The following VWC2 variants were observed in gnomAD, a reference collection of about 807,000 sequenced individuals.
VWC2 encodes the protein brorin.
In VWC2, 14 loss-of-function variants were observed where a neutral mutation model predicts 29.8. The ratio of observed to expected loss-of-function variants is 0.47; its 90% CI spans 0.31 to 0.74. VWC2 has a LOEUF of 0.74. Ranked by LOEUF, VWC2 falls within the 30% of genes least tolerant of loss-of-function variation. VWC2 has a pLI of 0.05. For missense variants in VWC2, 457 were observed against 459.8 expected (o/e 0.99, Z 0.05); for synonymous variants, 213 against 199.0 (o/e 1.07, Z -0.59).
chr7:49,806,407 C>T (rs144640501), intron 3 of VWC2, among the ~76,000 whole-genome samples: 3 of 152,138 alleles, frequency 2.0e-5, no homozygotes, highest in East Asian at 1.9e-4. Context: ...AGGGAGGATA[C>T]GACATATGCC....
At chr7:49,786,931 G>A (rs1788314204) in intron 2 of VWC2, among the ~76,000 whole-genome samples, 1 of 152,160 alleles carries the variant, frequency 6.6e-6, no homozygotes, top group Non-Finnish European at 1.5e-5. Flanking sequence ...TAGACTGTCT[G>A]TTTACTCTGT....
At chr7:49,777,332 T>A (rs1031715171) in intron 2 of VWC2, among the ~76,000 whole-genome samples, 5 of 152,228 alleles carry the variant, frequency 3.3e-5, no homozygotes, top group Admixed American at 1.3e-4. Flanking sequence ...ATGTAATTAC[T>A]GACTTGTGGC....
chr7:49,822,067 G>C (rs1789273900), intron 3 of VWC2, among the ~76,000 whole-genome samples: 1 of 151,958 alleles, frequency 6.6e-6, no homozygotes, highest in Admixed American at 6.6e-5. Flanking sequence ...GTTGAACTTT[G>C]GAAGACCTAC....
chr7:49,890,923 T>TAA (rs76976636), intron 3 of VWC2, among the ~76,000 whole-genome samples: 2 of 150,138 alleles, frequency 1.3e-5, no homozygotes, highest in East Asian at 1.9e-4. Flanking sequence ...TAAACAGGCA[T>TAA]AAAAAAAAGG....
rs1000043554 is a variant in VWC2 at position 49,776,149 on chromosome 7, G to C, written c.696+18G>C. The C allele has an allele frequency of 6.0e-6, 9 of 1,491,860 alleles. No homozygotes were observed. The highest frequency in any genetic ancestry group is 7.1e-6 in the Non-Finnish European group (8 of 1,119,620). The allele number at this position is 1,491,860 out of a possible 1,614,324, so 92.4% of individuals were successfully genotyped here. ...AGTTCGTGGTAAGATGCGAACGCCC[G>C]CCGGGCGACTTTGCACCTTCCAGGA... On this transcript the variant is annotated intron_variant, in intron 2 of 3. Transcript: ENST00000340652.
intron 3 of VWC2, among the ~76,000 whole-genome samples, chr7:49,883,268 A>C (rs1409354412): frequency 6.6e-6 from 1 of 152,100 alleles, no homozygotes; most frequent in Non-Finnish European, 1.5e-5. Flanking sequence ...CAGGGGCCAG[A>C]ATAGGCGAAT....
chr7:49,873,475 G>T (rs1339008340), intron 3 of VWC2, among the ~76,000 whole-genome samples: 14 of 152,160 alleles, frequency 9.2e-5, no homozygotes, highest in Non-Finnish European at 1.6e-4. Flanking sequence ...CACCTAGGGG[G>T]TTAACATTTC....
At chr7:49,886,589 T>A (rs1053658246) in intron 3 of VWC2, among the ~76,000 whole-genome samples, 3 of 152,224 alleles carry the variant, frequency 2.0e-5, no homozygotes, top group Admixed American at 6.5e-5. Flanking sequence ...CACATTATTA[T>A]GTAGTGTAGT....
intron 3 of VWC2, among the ~76,000 whole-genome samples, chr7:49,807,939 A>G (rs1288852770): frequency 6.6e-6 from 1 of 152,140 alleles, no homozygotes; most frequent in Non-Finnish European, 1.5e-5. Flanking sequence ...GAAAAGTATA[A>G]GGAGAGATTC....
At chr7:49,807,103 C>T (rs1232860320) in intron 3 of VWC2, among the ~76,000 whole-genome samples, 1 of 151,996 alleles carries the variant, frequency 6.6e-6, no homozygotes, top group Non-Finnish European at 1.5e-5. Flanking sequence ...TGAAAAGTCT[C>T]CATACTTAAA....
chr7:49,823,856 G>A (rs965909970), intron 3 of VWC2, among the ~76,000 whole-genome samples: 2 of 152,136 alleles, frequency 1.3e-5, no homozygotes, highest in African/African-American at 4.8e-5. Context: ...CCAGTGATGA[G>A]CATCTTTTCA....
intron 3 of VWC2, among the ~76,000 whole-genome samples, chr7:49,831,172 G>A (rs989863642): frequency 5.9e-5 from 9 of 152,248 alleles, no homozygotes; most frequent in Admixed American, 5.2e-4. Context: ...AGTTGAGGGC[G>A]CCCATCTCCA....
At chr7:49,900,000 A>T (rs1433856717) in intron 3 of VWC2, among the ~76,000 whole-genome samples, 1 of 151,914 alleles carries the variant, frequency 6.6e-6, no homozygotes, top group East Asian at 1.9e-4. Flanking sequence ...ATTAAATTAG[A>T]TATCAGTAAT....
chr7:49,796,979 G>T (rs1197048346), intron 2 of VWC2, among the ~76,000 whole-genome samples: 1 of 152,060 alleles, frequency 6.6e-6, no homozygotes, highest in African/African-American at 2.4e-5. Context: ...GAAGTGTTTT[G>T]TGTGTAAACT....
chr7:49,791,492 C>T (rs919391259), intron 2 of VWC2, among the ~76,000 whole-genome samples: 4 of 152,198 alleles, frequency 2.6e-5, no homozygotes, highest in African/African-American at 9.6e-5. Context: ...CCATGGCTCC[C>T]AATATTTGCT....
chr7:49,872,439 T>A lies in VWC2; in HGVS notation c.827-39595T>A, dbSNP rs1791196672. On this transcript the variant is annotated intron_variant, in intron 3 of 3. Coordinates refer to ENST00000340652, the MANE Select transcript of VWC2 (RefSeq NM_198570.5). ...CACTACCTCATAGTATATGCAAAAA[T>A]AAATCCTAGGTGGTTTAAAACTCTA... 2.6e-5 allele frequency among the ~76,000 whole-genome samples: 4 copies of A among 151,978 alleles called. No individual in the cohort carries two copies. In the South Asian group the frequency reaches 8.3e-4, roughly 32 times the overall value.
intron 2 of VWC2, among the ~76,000 whole-genome samples, chr7:49,789,264 T>A (rs536180375): frequency 7.0e-6 from 1 of 143,466 alleles, no homozygotes; most frequent in Non-Finnish European, 1.5e-5. Flanking sequence ...AGTGGGTGTG[T>A]GTGAGCGGGT....
Position 49,894,687 on chromosome 7 carries a change from C to T in VWC2, c.827-17347C>T, listed in dbSNP as rs948374221. Among the ~76,000 whole-genome samples, 8 of 152,290 alleles carry T rather than the reference C, an allele frequency of 5.3e-5. No individual in the cohort carries two copies. In the South Asian group the frequency reaches 6.2e-4, roughly 12 times the overall value. Reference sequence around the variant, plus strand: ...TGAGGGACTTCCAATCAGGGAAAAGCGTGGGTGGGGGCCTAGGGCTGTCAC... The same window carrying T: ...TGAGGGACTTCCAATCAGGGAAAAGTGTGGGTGGGGGCCTAGGGCTGTCAC... On this transcript the variant is annotated intron_variant, in intron 3 of 3. Transcript: ENST00000340652.
intron 3 of VWC2, among the ~76,000 whole-genome samples, chr7:49,831,431 A>G (rs1789522224): frequency 6.6e-6 from 1 of 152,210 alleles, no homozygotes; most frequent in South Asian, 2.1e-4. Context: ...CCTGGAGAAC[A>G]TGTAGGGACT....
Sources: allele counts gnomAD v4.1 joint callset (sites outside exome capture counted in the v4.1 genomes callset), GRCh38; gene constraint gnomAD v4.1.1; transcripts MANE v1.5; gene names NCBI Gene and HGNC (gene_info 2026-07-23, HGNC 2026-07-21).